DDB2: variants seen among roughly 807,000 people sequenced by gnomAD.
DDB2 encodes DNA damage-binding protein 2.
In DDB2, 27 loss-of-function variants were observed where a neutral mutation model predicts 50.5. That is an observed-to-expected ratio of 0.53 (90% confidence interval 0.39 to 0.74). DDB2 has a LOEUF of 0.74. DDB2 is among the 30% of genes least tolerant of loss of function. The probability of loss-of-function intolerance (pLI) is 0.00; values close to 1 mark genes in which losing one functional copy is unlikely to be tolerated. For missense variants in DDB2, 424 were observed against 545.6 expected, an observed-to-expected ratio of 0.78 and a Z score of 2.22; for synonymous variants, 176 against 205.5, an observed-to-expected ratio of 0.86 and a Z score of 1.23.
At chr11:47,223,767 C>T (rs1192040229) in intron 3 of DDB2, among the ~76,000 whole-genome samples, 1 of 152,148 alleles carries the variant, frequency 6.6e-6, no homozygotes, top group East Asian at 1.9e-4. Context: ...GGTGACAGAG[C>T]AAGACTCCGT....
Position 47,239,203 on chromosome 11 carries a change from A to G in DDB2, c.*354A>G, listed in dbSNP as rs1033022873. The G allele has an allele frequency of 5.4e-6, 2 of 369,894 alleles. No homozygotes were observed. The highest frequency in any genetic ancestry group is 1.0e-5 in the Non-Finnish European group (2 of 195,678). 22.9% of individuals were successfully genotyped at this position (369,894 alleles called of 1,614,324 possible). On this transcript the variant is annotated 3_prime_UTR_variant, in exon 10 of 10. Coordinates refer to ENST00000256996, the MANE Select transcript of DDB2 (RefSeq NM_000107.3). ...TGCTCACTTTTGATATGGCCAATAAAACCATACCGACTGAGCTTCTGCGTG... is the reference window on the plus strand; with the variant it reads ...TGCTCACTTTTGATATGGCCAATAAGACCATACCGACTGAGCTTCTGCGTG...
rs144266685 is a variant in DDB2 at position 47,234,792 on chromosome 11, G to A, written c.738G>A (p.Thr246=). Residue 246 remains threonine (T), a synonymous_variant, in exon 6 of 10, where the codon ACG becomes ACA. Transcript: ENST00000256996. ...TCAGAATGCACAAAAAGAAAGTGAC[G>A]CATGTGGCCCTGAACCCATGCTGTG... ...WNLRMHKKKV[T]HVALNPCCDW... 3,660 of 1,614,160 alleles carry A rather than the reference G, an allele frequency of 2.3e-3. 17 individuals are homozygous for A. The highest frequency in any genetic ancestry group is 8.6e-3 in the Admixed American group (516 of 60,004).
chr11:47,225,696 T>C (rs1308487370), intron 3 of DDB2, among the ~76,000 whole-genome samples: 1 of 152,174 alleles, frequency 6.6e-6, no homozygotes, highest in Non-Finnish European at 1.5e-5. Flanking sequence ...TATATTCACA[T>C]TGTTGTGCAA....
At position 47,234,861 on chromosome 11, in the gene DDB2, T is replaced by G; in HGVS notation, c.807T>G (p.Ile269Met). The change falls in exon 6 of 10, where the codon ATT becomes ATG. Residue 269 changes from isoleucine (I) to methionine (M), a missense_variant. By Grantham distance (10) the Ile-to-Met change is conservative (BLOSUM62 1). Transcript: ENST00000256996. ...ATASVDQTVK[I>M]WDLRQVRGKA... ...CCTCCGTAGATCAAACAGTGAAAAT[T>G]TGGGACCTGCGCCAGGTTAGAGGGA... is the stretch of plus-strand genomic sequence containing the variant. 6.2e-7 allele frequency: 1 copy of G among 1,614,198 alleles called. No individual in the cohort carries two copies.
At chr11:47,235,111 ATT>A in intron 6 of DDB2, 157 bp from the exon 7 acceptor site, 1 of 1,327,806 alleles carries the variant, frequency 7.5e-7, no homozygotes, top group Non-Finnish European at 1.1e-6. Context: ...AGTTTCCAGA[ATT>A]TTTTTGTTGT....
intron 3 of DDB2, among the ~76,000 whole-genome samples, chr11:47,222,336 T>G (rs558383784): frequency 2.6e-5 from 4 of 152,318 alleles, no homozygotes; most frequent in Admixed American, 2.6e-4. Context: ...TGTGTAGTTT[T>G]TTTTTTCTTT....
intron 3 of DDB2, among the ~76,000 whole-genome samples, chr11:47,220,048 C>T (rs1953460782): frequency 6.6e-6 from 1 of 152,188 alleles, no homozygotes; most frequent in South Asian, 2.1e-4. Flanking sequence ...CTCGACCTCC[C>T]AAAGTGCTGG....
intron 3 of DDB2, chr11:47,220,500 T>G (rs1431286803): frequency 6.6e-6 from 1 of 152,220 alleles, no homozygotes; most frequent in Non-Finnish European, 1.5e-5. Flanking sequence ...CAGACTGAGA[T>G]TGCTTTTTTT....
intron 7 of DDB2, among the ~76,000 whole-genome samples, chr11:47,236,674 A>G (rs1219584786): frequency 6.6e-6 from 1 of 152,260 alleles, no homozygotes; most frequent in Admixed American, 6.5e-5. Context: ...CATGCCCAGC[A>G]CCTGGTAAGT....
chr11:47,215,035 CCGCAGTTT>C lies in DDB2; in HGVS notation c.-101_-94del. 1 of 1,574,432 alleles carries C rather than the reference CCGCAGTTT, an allele frequency of 6.4e-7. No homozygotes were observed. The highest frequency in any genetic ancestry group is 8.7e-7 in the Non-Finnish European group (1 of 1,147,034). On this transcript the variant is annotated 5_prime_UTR_variant, in exon 1 of 10. Transcript: ENST00000256996. ...TGGCTTAGCTCGGCTACCTGTGGCC[CCGCAGTTT>C]TGTAGTCCCCGCCTTGTTTCTCCCC...
intron 3 of DDB2, among the ~76,000 whole-genome samples, chr11:47,227,702 C>T (rs1953580955): frequency 6.6e-6 from 1 of 152,018 alleles, no homozygotes; most frequent in South Asian, 2.1e-4. Flanking sequence ...ACCAACTTTG[C>T]ATTCTTGGAA....
intron 4 of DDB2, among the ~76,000 whole-genome samples, chr11:47,234,035 C>T (rs577926324): frequency 1.3e-5 from 2 of 152,136 alleles, no homozygotes; most frequent in South Asian, 4.1e-4. Flanking sequence ...TAGCAGGATC[C>T]CTGAAGCACC....
chr11:47,221,507 C>T (rs768290979), intron 3 of DDB2, among the ~76,000 whole-genome samples: 22 of 152,086 alleles, frequency 1.4e-4, no homozygotes, highest in Non-Finnish European at 2.1e-4. Flanking sequence ...TGCAGTAGCA[C>T]GATCTCGGCC....
intron 3 of DDB2, among the ~76,000 whole-genome samples, chr11:47,229,108 T>C (rs1434007980): frequency 6.6e-6 from 1 of 151,890 alleles, no homozygotes; most frequent in African/African-American, 2.4e-5. Flanking sequence ...GATGTTTACG[T>C]AGTGGGAAGG....
Position 47,216,840 on chromosome 11 carries a change from C to A in DDB2, c.265-18C>A, listed in dbSNP as rs976864203. 64 of 1,613,272 alleles carry A rather than the reference C, an allele frequency of 4.0e-5. No homozygotes were observed. Among genetic ancestry groups the A allele is most frequent in the Non-Finnish European group, 5.1e-5 (60 of 1,179,478 alleles). ...ACTTGGGTTTTAATTCAACCTAATT[C>A]ATTTCTCTCTGTGGCAGGGGCTCCA... On this transcript the variant is annotated intron_variant, in intron 2 of 9. Coordinates refer to ENST00000256996, the MANE Select transcript of DDB2 (RefSeq NM_000107.3).
In DDB2 at chr11:47,216,980, G is replaced by C. The variant is rs1565150498; in HGVS notation, c.387G>C (p.Val129=). The C allele has an allele frequency of 1.5e-5, 25 of 1,614,108 alleles. No individual in the cohort carries two copies. The highest frequency in any genetic ancestry group is 2.0e-5 in the Non-Finnish European group (24 of 1,180,004). ...WHPTHPSTVA[V]GSKGGDIMLW... is the part of the protein sequence containing the mutation. ...CAACTCACCCCAGCACCGTGGCTGT[G>C]GGTTCCAAAGGGGGAGATATCATGC... Residue 129 remains valine, a synonymous_variant, in exon 3 of 10, where the codon GTG becomes GTC. Coordinates refer to ENST00000256996, the MANE Select transcript of DDB2 (RefSeq NM_000107.3).
chr11:47,216,935 T>C lies in DDB2; in HGVS notation c.342T>C (p.Ala114=). 1 of 1,614,082 alleles carries C rather than the reference T, an allele frequency of 6.2e-7. No homozygotes were observed. The highest frequency in any genetic ancestry group is 1.1e-5 in the South Asian group (1 of 91,084). Residue 114 remains alanine (A), a synonymous_variant, in exon 3 of 10, where the codon GCT becomes GCC. Coordinates refer to ENST00000256996, the MANE Select transcript of DDB2 (RefSeq NM_000107.3). ...LQKAAPFDRR[A]TSLAWHPTHP... The stretch of plus-strand genomic sequence containing the variant: ...AGGCTGCCCCCTTTGACAGGAGGGC[T>C]ACATCCTTGGCGTGGCACCCAACTC...
Position 47,235,362 on chromosome 11 carries a change from G to C in DDB2, c.973G>C (p.Gly325Arg), listed in dbSNP as rs1953711599. The change falls in exon 7 of 10, where the codon GGC (glycine) becomes CGC (arginine). Residue 325 changes from glycine to arginine, a missense_variant. Coordinates refer to ENST00000256996, the MANE Select transcript of DDB2 (RefSeq NM_000107.3). ...YSASQWDCPL[G>R]LIPHPHRHFQ... ...TGCTTCCCAGTGGGACTGCCCCCTG[G>C]GCCTGATCCCGCACCCTCACCGTCA... The C allele has an allele frequency of 6.2e-7, 1 of 1,613,936 alleles. No homozygotes were observed.
In DDB2 at chr11:47,238,153, C is replaced by T; in HGVS notation, c.1204C>T (p.Pro402Ser). The T allele has an allele frequency of 6.2e-7, 1 of 1,612,566 alleles. No individual in the cohort carries two copies. Among genetic ancestry groups the T allele is most frequent in the Non-Finnish European group, 8.5e-7 (1 of 1,179,316 alleles). ...SGISSLNEFN[P>S]MGDTLASAMG... ...GTCTCTGCAGCTTAATGAATTCAAT[C>T]CCATGGGGGACACGCTGGCCTCTGC... The change falls in exon 9 of 10, where the codon CCC (proline) becomes TCC (serine). Residue 402 changes from proline to serine, a missense_variant. By Grantham distance (74) the Pro-to-Ser change is moderately conservative. Transcript: ENST00000256996.
Sources: gnomAD v4.1 joint callset for allele counts (sites outside exome capture counted in the v4.1 genomes callset) on GRCh38, gnomAD v4.1.1 for gene constraint, MANE v1.5 for transcripts, NCBI Gene and HGNC (gene_info 2026-07-23, HGNC 2026-07-21) for gene names.